Variants in MCTP1 observed in about 807,000 individuals in gnomAD.
MCTP1 encodes the protein multiple C2 and transmembrane domain containing 1, also known as multiple C2 and transmembrane domain-containing protein 1.
MCTP1 carries 69 observed loss-of-function variants against 120.6 expected under a neutral mutation model. That is an observed-to-expected ratio of 0.57 (90% confidence interval 0.47 to 0.70). MCTP1 has a LOEUF of 0.70. MCTP1 is among the 30% of genes least tolerant of loss of function. The pLI, the probability that MCTP1 is intolerant of heterozygous loss-of-function variation, is 0.00. For synonymous variants in MCTP1, 529 were observed against 493.1 expected (o/e 1.07, Z -0.96); for missense variants, 1,203 against 1,248.8 (o/e 0.96, Z 0.55).
intron 17 of MCTP1, among the ~76,000 whole-genome samples, chr5:94,831,994 C>T (rs532801540): frequency 1.3e-5 from 2 of 152,150 alleles, no homozygotes; most frequent in Non-Finnish European, 1.5e-5. Flanking sequence ...AACGCTTCTA[C>T]GGAATCCTTT....
rs191256565 is a variant in MCTP1 at position 95,213,234 on chromosome 5, G to C, written c.720+70622C>G. On this transcript the variant is annotated intron_variant, in intron 1 of 22. Transcript: ENST00000515393. Reference sequence around the variant, plus strand: ...TACACCAGTAACAGACAAACAGAGAGCCAAATCATGAGTGAACTCCCATTC... The same window carrying C: ...TACACCAGTAACAGACAAACAGAGACCCAAATCATGAGTGAACTCCCATTC... Among the ~76,000 whole-genome samples the C allele has an allele frequency of 5.8e-4, 89 of 152,252 alleles. No homozygotes were observed. In the East Asian group the frequency reaches 0.015, roughly 26 times the overall value.
chr5:95,267,294 C>T (rs944378227), intron 1 of MCTP1, among the ~76,000 whole-genome samples: 1 of 152,134 alleles, frequency 6.6e-6, no homozygotes. Flanking sequence ...AAGTTTAAAT[C>T]TCCTGAAAAT....
intron 3 of MCTP1, among the ~76,000 whole-genome samples, chr5:94,947,897 T>C (rs1315311393): frequency 1.3e-5 from 2 of 151,662 alleles, no homozygotes; most frequent in South Asian, 2.1e-4. Flanking sequence ...GCTGGGATTA[T>C]AGGCATGAGC....
At chr5:94,734,623 A>G (rs762489153) in intron 19 of MCTP1, among the ~76,000 whole-genome samples, 8 of 152,230 alleles carry the variant, frequency 5.3e-5, no homozygotes, top group South Asian at 2.1e-4. Context: ...CACCTGGCGA[A>G]TTTTTGTACA....
At chr5:95,184,496 G>T (rs994620773) in intron 1 of MCTP1, among the ~76,000 whole-genome samples, 2 of 152,186 alleles carry the variant, frequency 1.3e-5, no homozygotes, top group Non-Finnish European at 2.9e-5. Flanking sequence ...TAACCTTTAA[G>T]CTGTCCTTGT....
chr5:95,218,064 C>T (rs1753238483), intron 1 of MCTP1, among the ~76,000 whole-genome samples: 1 of 152,208 alleles, frequency 6.6e-6, no homozygotes, highest in Non-Finnish European at 1.5e-5. Context: ...GCCTTCCAGG[C>T]ACATTCCAAG....
At chr5:95,164,751 G>A (rs1387242498) in intron 1 of MCTP1, among the ~76,000 whole-genome samples, 1 of 152,114 alleles carries the variant, frequency 6.6e-6, no homozygotes, top group Non-Finnish European at 1.5e-5. Flanking sequence ...CTAATTTGAT[G>A]ACCTTTTAAT....
intron 1 of MCTP1, among the ~76,000 whole-genome samples, chr5:95,177,570 G>A (rs992715035): frequency 7.9e-5 from 12 of 152,114 alleles, no homozygotes; most frequent in African/African-American, 2.7e-4. Flanking sequence ...ATCACTGAGC[G>A]ACAAGAAACA....
intron 1 of MCTP1, among the ~76,000 whole-genome samples, chr5:95,057,883 A>C (rs1747843188): frequency 6.6e-6 from 1 of 152,216 alleles, no homozygotes; most frequent in African/African-American, 2.4e-5. Context: ...GACCTAGATA[A>C]GCATCCTCTG....
At chr5:95,016,173 CT>C (rs1837070170) in intron 2 of MCTP1, among the ~76,000 whole-genome samples, 1 of 151,818 alleles carries the variant, frequency 6.6e-6, no homozygotes, top group African/African-American at 2.4e-5. Flanking sequence ...CTAAGAATGT[CT>C]TTTTAAACTT....
intron 19 of MCTP1, among the ~76,000 whole-genome samples, chr5:94,740,881 A>G (rs1445437740): frequency 6.6e-6 from 1 of 152,220 alleles, no homozygotes; most frequent in Non-Finnish European, 1.5e-5. Context: ...TTAATTGGGA[A>G]GGTGAGATTA....
At position 94,910,051 on chromosome 5, in the gene MCTP1, G is replaced by A. The variant is rs139475955; in HGVS notation, c.1522-670C>T. Among the ~76,000 whole-genome samples the A allele has an allele frequency of 5.3e-5, 8 of 151,720 alleles. No homozygotes were observed. In the East Asian group the frequency reaches 1.2e-3, roughly 22 times the overall value. ...ACTCAAAGTCTTTGATTAAAGCTTCGGGACTCTTCCCCCAAAACCATATGC... is the reference window on the plus strand; with the variant it reads ...ACTCAAAGTCTTTGATTAAAGCTTCAGGACTCTTCCCCCAAAACCATATGC... On this transcript the variant is annotated intron_variant, in intron 9 of 22. Coordinates refer to ENST00000515393, the MANE Select transcript of MCTP1 (RefSeq NM_024717.7).
rs567153438 is a variant in MCTP1 at position 94,797,694 on chromosome 5, A to G, written c.2556+1319T>C. 3.3e-5 allele frequency among the ~76,000 whole-genome samples: 5 copies of G among 152,292 alleles called. No individual in the cohort carries two copies. In the East Asian group the frequency reaches 7.7e-4, roughly 23 times the overall value. On this transcript the variant is annotated intron_variant, in intron 18 of 22. Transcript: ENST00000515393. Reference sequence around the variant, plus strand: ...ATACATTACAAAGAAGGTTTTGAACATGTCTAATTTCCAAAGCAGGTACTA... The same window carrying G: ...ATACATTACAAAGAAGGTTTTGAACGTGTCTAATTTCCAAAGCAGGTACTA...
intron 1 of MCTP1, among the ~76,000 whole-genome samples, chr5:95,058,937 A>G (rs1748172747): frequency 1.3e-5 from 2 of 152,300 alleles, no homozygotes; most frequent in Non-Finnish European, 2.9e-5. Flanking sequence ...TCCTGTGTCC[A>G]GGACCACCCT....
intron 17 of MCTP1, among the ~76,000 whole-genome samples, chr5:94,866,991 C>T (rs571096417): frequency 7.9e-5 from 12 of 151,698 alleles, no homozygotes; most frequent in South Asian, 2.1e-4. Flanking sequence ...AATGGCAGCA[C>T]GATCTTTACA....
chr5:95,211,843 A>T (rs1046833987), intron 1 of MCTP1, among the ~76,000 whole-genome samples: 8 of 152,148 alleles, frequency 5.3e-5, no homozygotes, highest in Non-Finnish European at 1.2e-4. Flanking sequence ...TGATGTACAG[A>T]TGGATTTTTG....
At chr5:94,970,064 A>G (rs1477724047) in intron 2 of MCTP1, among the ~76,000 whole-genome samples, 3 of 152,092 alleles carry the variant, frequency 2.0e-5, no homozygotes, top group African/African-American at 7.2e-5. Flanking sequence ...AATGAATTTA[A>G]AATTTCTGGT....
chr5:94,744,842 C>T (rs1197050778), intron 19 of MCTP1, among the ~76,000 whole-genome samples: 3 of 152,010 alleles, frequency 2.0e-5, no homozygotes, highest in East Asian at 1.9e-4. Flanking sequence ...GATTACATCC[C>T]GAGATTTGAT....
intron 17 of MCTP1, among the ~76,000 whole-genome samples, chr5:94,854,674 C>T (rs955951162): frequency 1.3e-5 from 2 of 151,776 alleles, no homozygotes; most frequent in Admixed American, 6.6e-5. Context: ...ACCCATTAGT[C>T]CCCATACTGT....
Sources: allele counts gnomAD v4.1 joint callset (sites outside exome capture counted in the v4.1 genomes callset), GRCh38; gene constraint gnomAD v4.1.1; transcripts MANE v1.5; gene names NCBI Gene and HGNC (gene_info 2026-07-23, HGNC 2026-07-21).